Variants in COL17A1 observed in about 807,000 individuals in gnomAD.
COL17A1 encodes the protein collagen type XVII alpha 1 chain.
In COL17A1, 181 loss-of-function variants were observed where a neutral mutation model predicts 218.4. The ratio of observed to expected loss-of-function variants is 0.83; its 90% CI spans 0.73 to 0.94. The LOEUF is 0.94. Ranked by LOEUF, COL17A1 falls within the 40% of genes least tolerant of loss-of-function variation. The pLI is 0.00. For missense variants in COL17A1, 1,924 were observed against 1,945.9 expected, an observed-to-expected ratio of 0.99 and a Z score of 0.21; for synonymous variants, 721 against 731.0, an observed-to-expected ratio of 0.99 and a Z score of 0.22.
chr10:104,053,802 C>T, intron 22 of COL17A1, 118 bp downstream of exon 22: 1 of 725,194 alleles, frequency 1.4e-6, no homozygotes, highest in Non-Finnish European at 2.5e-6. Flanking sequence ...CTGTTTGGTT[C>T]ACTGGTGTCT....
chr10:104,057,241 CT>C, intron 16 of COL17A1, 69 bp from the exon 17 acceptor site: 1 of 1,611,872 alleles, frequency 6.2e-7, no homozygotes. Context: ...GATTCTCTGA[CT>C]TTTGGTGACT....
At position 104,058,133 on chromosome 10, in the gene COL17A1, G is replaced by A. The variant is rs11191910; in HGVS notation, c.1267+13C>T. ...TGGATCCTGTCACTGCAGGGTTCGC[G>A]GTTCTCACCCACCTGCAGTGGTGGT... On this transcript the variant is annotated intron_variant, in intron 16 of 55. Transcript: ENST00000648076. 0.17 allele frequency: 271,647 copies of A among 1,613,846 alleles called. 23,941 individuals carry two copies. Among genetic ancestry groups the A allele is most frequent in the South Asian group, 0.19 (17,317 of 91,050 alleles).
chr10:104,034,232 C>T lies in COL17A1; in HGVS notation c.3869G>A (p.Arg1290Gln), dbSNP rs745779563. 6.2e-6 allele frequency: 10 copies of T among 1,611,748 alleles called. No homozygotes were observed. The highest frequency in any genetic ancestry group is 3.3e-5 in the South Asian group (3 of 90,800). Residue 1290 changes from arginine to glutamine, a missense_variant, in exon 52 of 56, where the codon CGG becomes CAG. Physicochemically the swap from Arg to Gln is conservative, Grantham distance 43. Coordinates refer to ENST00000648076, the MANE Select transcript of COL17A1 (RefSeq NM_000494.4). The stretch of plus-strand genomic sequence containing the variant: ...GCTGTGTGAGGAGGAGCTGCTACCC[C>T]GACTGTGGGAGGCATCCGTGGACAG... ...RLLSTDASHS[R>Q]GSSSSSHSSS...
chr10:104,070,389 T>C, intron 9 of COL17A1, 37 bp downstream of exon 9: 3 of 1,612,210 alleles, frequency 1.9e-6, no homozygotes, highest in Non-Finnish European at 2.5e-6. Flanking sequence ...TAAGTTTGTT[T>C]CTCACACTCC....
chr10:104,057,851 C>T (rs1265950330), intron 16 of COL17A1, among the ~76,000 whole-genome samples: 1 of 152,060 alleles, frequency 6.6e-6, no homozygotes, highest in Admixed American at 6.5e-5. Flanking sequence ...GACACAGTCA[C>T]CCTGTTGTGT....
intron 51 of COL17A1, 96 bp downstream of exon 51, chr10:104,034,525 G>A: frequency 6.5e-7 from 1 of 1,538,598 alleles, no homozygotes; most frequent in Admixed American, 2.0e-5. Flanking sequence ...GCTCTCGTGT[G>A]GCCTTCCTGT....
At chr10:104,068,830 T>C (rs1014386245) in intron 9 of COL17A1, among the ~76,000 whole-genome samples, 2 of 152,008 alleles carry the variant, frequency 1.3e-5, no homozygotes, top group Non-Finnish European at 2.9e-5. Flanking sequence ...ATCCCTAAGG[T>C]GATATTAAAA....
At position 104,032,747 on chromosome 10, in the gene COL17A1, C is replaced by T. The variant is rs1202726928; in HGVS notation, c.4365G>A (p.Arg1455=). 6.2e-7 allele frequency: 1 copy of T among 1,614,184 alleles called. No homozygotes were observed. The highest frequency in any genetic ancestry group is 1.7e-5 in the Admixed American group (1 of 60,030). ...EMGTPGPKGD[R]GPAGPPGHPG... ...GATGACCTGGTGGCCCAGCAGGGCC[C>T]CTGTCACCTGGAAGGAAAAATGGGG... The change falls in exon 55 of 56, where the codon AGG becomes AGA. Residue 1455 remains arginine, a synonymous_variant. Coordinates refer to ENST00000648076, the MANE Select transcript of COL17A1 (RefSeq NM_000494.4).
chr10:104,076,433 CA>C lies in COL17A1; in HGVS notation c.203-5del, dbSNP rs1191975087. ...GCATGGCCTCGTGTGCTTCCAGCTG[CA>C]AGAGGGAAAAAGCATAAGTTCTCAG... On this transcript the variant is annotated splice_region_variant and splice_polypyrimidine_tract_variant and intron_variant, in intron 4 of 55. Transcript: ENST00000648076. 7.4e-6 allele frequency: 12 copies of C among 1,613,712 alleles called. No homozygotes were observed. Among genetic ancestry groups the C allele is most frequent in the African/African-American group, 1.3e-5 (1 of 74,880 alleles).
chr10:104,035,620 G>T (rs570168057), intron 48 of COL17A1, 57 bp from the exon 49 acceptor site: 5 of 1,377,040 alleles, frequency 3.6e-6, no homozygotes, highest in South Asian at 1.2e-5. Context: ...ACACCTGTCA[G>T]AGAGGAGGTC....
intron 41 of COL17A1, 56 bp downstream of exon 41, chr10:104,039,917 G>A (rs1024482684): frequency 6.2e-7 from 1 of 1,610,160 alleles, no homozygotes; most frequent in African/African-American, 1.3e-5. Flanking sequence ...TGGGAGGTGA[G>A]CTTTTGCCAT....
intron 5 of COL17A1, among the ~76,000 whole-genome samples, chr10:104,074,533 G>A (rs769021028): frequency 3.3e-5 from 5 of 152,158 alleles, no homozygotes; most frequent in Non-Finnish European, 5.9e-5. Context: ...TTCCTCCACC[G>A]GCTTGTCCTG....
intron 33 of COL17A1, among the ~76,000 whole-genome samples, chr10:104,044,922 T>G (rs2086394659): frequency 6.6e-6 from 1 of 152,210 alleles, no homozygotes; most frequent in Admixed American, 6.5e-5. Context: ...GAATTACATT[T>G]AGTTAGCCCT....
intron 55 of COL17A1, 73 bp downstream of exon 55, chr10:104,032,601 C>G: frequency 6.8e-7 from 1 of 1,474,184 alleles, no homozygotes; most frequent in Non-Finnish European, 9.5e-7. Context: ...TGGAACAAAT[C>G]ACCTGCTTCT....
intron 11 of COL17A1, chr10:104,063,502 T>G: frequency 1.8e-6 from 1 of 562,230 alleles, no homozygotes. Context: ...CCTCCAACTC[T>G]TCCAGAAAAT....
chr10:104,078,530 G>A lies in COL17A1; in HGVS notation c.97+12C>T. ...ACCTACTGAAAAGAAAGCTATTGAG[G>A]TAGTTACTTACTTGGTGGTAAGGAT... is the stretch of plus-strand genomic sequence containing the variant. On this transcript the variant is annotated intron_variant, in intron 3 of 55. Coordinates refer to ENST00000648076, the MANE Select transcript of COL17A1 (RefSeq NM_000494.4). 6.2e-7 allele frequency: 1 copy of A among 1,614,160 alleles called. No individual in the cohort carries two copies. Among genetic ancestry groups the A allele is most frequent in the Non-Finnish European group, 8.5e-7 (1 of 1,180,016 alleles).
rs777962104 is a variant in COL17A1, at chr10:104,034,307, C to T, written c.3794G>A (p.Gly1265Asp). 2 of 1,572,010 alleles carry T rather than the reference C, an allele frequency of 1.3e-6. No individual in the cohort carries two copies. Among genetic ancestry groups the T allele is most frequent in the South Asian group, 1.2e-5 (1 of 86,534 alleles). Residue 1265 changes from glycine to aspartate, a missense_variant, in exon 52 of 56, where the codon GGC becomes GAC. Coordinates refer to ENST00000648076, the MANE Select transcript of COL17A1 (RefSeq NM_000494.4). ...TSPDVRSFIV[G>D]PPGPPGPQGP... ...CTGCGGCCCAGGAGGGCCTGGGGGG[C>T]CAACAATGAAGCTGCGCACATCAGG...
intron 5 of COL17A1, among the ~76,000 whole-genome samples, chr10:104,075,009 T>C (rs899299318): frequency 8.5e-5 from 13 of 152,228 alleles, no homozygotes; most frequent in Admixed American, 7.9e-4. Context: ...AGCACTCTCT[T>C]GTGTTGACCT....
intron 15 of COL17A1, 78 bp from the exon 16 acceptor site, chr10:104,058,268 T>C (rs1259382533): frequency 4.4e-6 from 7 of 1,591,242 alleles, no homozygotes; most frequent in Middle Eastern, 3.5e-4. Flanking sequence ...GCCATTTTTT[T>C]ATTCCTTTAC....
Sources: gnomAD v4.1 joint callset for allele counts (sites outside exome capture counted in the v4.1 genomes callset) on GRCh38, gnomAD v4.1.1 for gene constraint, MANE v1.5 for transcripts, NCBI Gene and HGNC (gene_info 2026-07-23, HGNC 2026-07-21) for gene names.